NAA35: variants seen among roughly 807,000 people sequenced by gnomAD.
The protein encoded by NAA35 is N-alpha-acetyltransferase 35, NatC auxiliary subunit.
NAA35 carries 18 observed loss-of-function variants against 101.7 expected under a neutral mutation model. The observed-to-expected ratio is 0.18, with a 90% CI of 0.12 to 0.26. The LOEUF (loss-of-function observed/expected upper bound fraction) is 0.26. NAA35 is among the 10% of genes least tolerant of loss of function. The pLI is 1.00. For synonymous variants in NAA35, 267 were observed against 273.1 expected, an observed-to-expected ratio of 0.98 and a Z score of 0.22; for missense variants, 601 against 886.8, an observed-to-expected ratio of 0.68 and a Z score of 4.09.
Position 85,942,298 on chromosome 9 carries a change from T to G in NAA35, c.124+15T>G. 11 of 1,612,386 alleles carry G rather than the reference T, an allele frequency of 6.8e-6. No individual in the cohort carries two copies. Among genetic ancestry groups the G allele is most frequent in the Non-Finnish European group, 9.3e-6 (11 of 1,179,388 alleles). ...AGCTTGTCGAGGTGAGTCTGATTTT[T>G]GGATTAGAAGTTCAGCATCTGGAAG... On this transcript the variant is annotated intron_variant, in intron 2 of 22. Transcript: ENST00000361671.
At chr9:86,004,971 A>G (rs1240457666) in intron 13 of NAA35, among the ~76,000 whole-genome samples, 1 of 152,210 alleles carries the variant, frequency 6.6e-6, no homozygotes, top group Non-Finnish European at 1.5e-5. Flanking sequence ...TAAAAGAGGC[A>G]AGAACACTCA....
At chr9:85,944,971 T>C (rs1277195275) in intron 2 of NAA35, among the ~76,000 whole-genome samples, 1 of 152,232 alleles carries the variant, frequency 6.6e-6, no homozygotes, top group Non-Finnish European at 1.5e-5. Context: ...AATTTTAGTC[T>C]TGCAGCTTTC....
At chr9:85,947,664 A>G (rs1587550341) in intron 2 of NAA35, among the ~76,000 whole-genome samples, 1 of 152,324 alleles carries the variant, frequency 6.6e-6, no homozygotes, top group East Asian at 1.9e-4. Flanking sequence ...CTGGCATCTA[A>G]CAAGTACATG....
At position 86,022,377 on chromosome 9, in the gene NAA35, G is replaced by A. The variant is rs1044033891; in HGVS notation, c.*417G>A. On this transcript the variant is annotated 3_prime_UTR_variant, in exon 23 of 23. Coordinates refer to ENST00000361671, the MANE Select transcript of NAA35 (RefSeq NM_024635.4). ...AAGGTGTATGCTCTTTAACATTTGA[G>A]TAGTTCCAAAAACGTTATCCAAAAG... 1 of 153,446 alleles carries A rather than the reference G, an allele frequency of 6.5e-6. No individual in the cohort carries two copies. Among genetic ancestry groups the A allele is most frequent in the African/African-American group, 2.4e-5 (1 of 41,468 alleles). The allele number at this position is 153,446 out of a possible 1,614,324, so 9.5% of individuals were successfully genotyped here. A position where few individuals can be genotyped will look rare whatever the true frequency, so the allele number is the denominator to read the frequency against.
At position 86,009,874 on chromosome 9, in the gene NAA35, A is replaced by G. The variant is rs1831822332; in HGVS notation, c.1233A>G (p.Leu411=). 3.7e-6 allele frequency: 6 copies of G among 1,612,256 alleles called. No individual in the cohort carries two copies. Among genetic ancestry groups the G allele is most frequent in the East Asian group, 2.2e-5 (1 of 44,872 alleles). Residue 411 remains leucine, a synonymous_variant, in exon 15 of 23, where the codon CTA becomes CTG. Coordinates refer to ENST00000361671, the MANE Select transcript of NAA35 (RefSeq NM_024635.4). ...GACTGTTATCTTGCAGGTGCTACCT[A>G]TATAATAATCACCAGGCTAAGGACT... ...SPPVLSPKCY[L]YNNHQAKDCI...
intron 13 of NAA35, 69 bp downstream of exon 13, chr9:86,003,713 G>A (rs1037478832): frequency 2.2e-6 from 2 of 919,098 alleles, no homozygotes; most frequent in Admixed American, 4.9e-5. Flanking sequence ...TTTATTGATT[G>A]ATTGAACAAA....
chr9:86,001,307 G>T (rs1240856533), intron 12 of NAA35, among the ~76,000 whole-genome samples: 1 of 152,144 alleles, frequency 6.6e-6, no homozygotes, highest in Non-Finnish European at 1.5e-5. Flanking sequence ...GTCCAATTAT[G>T]TGGTCGATAT....
intron 6 of NAA35, among the ~76,000 whole-genome samples, chr9:85,969,213 T>A (rs1331960784): frequency 6.7e-6 from 1 of 149,022 alleles, no homozygotes; most frequent in Non-Finnish European, 1.5e-5. Context: ...TTTTGCTTGG[T>A]GGAATATTTC....
intron 11 of NAA35, among the ~76,000 whole-genome samples, chr9:85,984,586 G>A (rs1830570322): frequency 6.6e-6 from 1 of 152,150 alleles, no homozygotes; most frequent in South Asian, 2.1e-4. Flanking sequence ...GAAATTAGAA[G>A]TCAATGAAGT....
At chr9:86,002,420 A>G (rs1219095482) in intron 12 of NAA35, among the ~76,000 whole-genome samples, 1 of 152,220 alleles carries the variant, frequency 6.6e-6, no homozygotes, top group Non-Finnish European at 1.5e-5. Context: ...AAAGTTGGGG[A>G]AGTTTTCACG....
intron 11 of NAA35, among the ~76,000 whole-genome samples, chr9:85,993,582 G>C (rs1386916514): frequency 6.6e-6 from 1 of 152,168 alleles, no homozygotes. Context: ...CGTTCTTTTT[G>C]TTGATTGTGG....
intron 6 of NAA35, among the ~76,000 whole-genome samples, chr9:85,974,478 A>G (rs1306137562): frequency 1.3e-5 from 2 of 152,086 alleles, no homozygotes; most frequent in Non-Finnish European, 2.9e-5. Context: ...TTTCCTTCCA[A>G]TGGACTATAG....
chr9:86,006,169 CAAA>C (rs34993101), intron 13 of NAA35, among the ~76,000 whole-genome samples: 3 of 132,350 alleles, frequency 2.3e-5, no homozygotes, highest in Non-Finnish European at 4.9e-5. Flanking sequence ...GACCCCATCT[CAAA>C]AAAAAAAAAA....
Position 86,022,240 on chromosome 9 carries a change from G to C in NAA35, c.*280G>C, listed in dbSNP as rs1832596747. On this transcript the variant is annotated 3_prime_UTR_variant, in exon 23 of 23. Transcript: ENST00000361671. ...GATTTAATCACAAATCATTTTTTAT[G>C]AATGATTGAGTGAAAATAGTGTTTA... 3.8e-6 allele frequency: 1 copy of C among 260,678 alleles called. No individual in the cohort carries two copies. The highest frequency in any genetic ancestry group is 2.3e-5 in the African/African-American group (1 of 44,176). The allele number at this position is 260,678 out of a possible 1,614,324, so 16.1% of individuals were successfully genotyped here.
Position 85,978,397 on chromosome 9 carries a change from G to C in NAA35, c.877+16G>C. ...ACAAAAGGAGGTAATTGTTCAATTT[G>C]CTCCTACTCTTTCTTTTCTTCGTTT... On this transcript the variant is annotated intron_variant, in intron 11 of 22. Coordinates refer to ENST00000361671, the MANE Select transcript of NAA35 (RefSeq NM_024635.4). 2 of 1,480,774 alleles carry C rather than the reference G, an allele frequency of 1.4e-6. No individual in the cohort carries two copies. Among genetic ancestry groups the C allele is most frequent in the Non-Finnish European group, 9.4e-7 (1 of 1,059,168 alleles). The allele number at this position is 1,480,774 out of a possible 1,614,324, so 91.7% of individuals were successfully genotyped here. A position where few individuals can be genotyped will look rare whatever the true frequency, so the allele number is the denominator to read the frequency against.
intron 6 of NAA35, among the ~76,000 whole-genome samples, chr9:85,967,799 CAAAA>C (rs201125485): frequency 7.4e-6 from 1 of 135,178 alleles, no homozygotes; most frequent in African/African-American, 2.7e-5. Context: ...GAGACTGTCT[CAAAA>C]AAAAAAAAGA....
chr9:85,965,589 A>G (rs1034116027), intron 6 of NAA35, among the ~76,000 whole-genome samples: 8 of 151,904 alleles, frequency 5.3e-5, no homozygotes, highest in African/African-American at 1.9e-4. Flanking sequence ...TGATTGTGCT[A>G]TTTTACTCCA....
chr9:85,962,682 A>G (rs908183730), intron 6 of NAA35, among the ~76,000 whole-genome samples: 3 of 152,184 alleles, frequency 2.0e-5, no homozygotes, highest in Admixed American at 1.3e-4. Flanking sequence ...TCTCCAAGAA[A>G]GGGCTTTCAT....
intron 11 of NAA35, among the ~76,000 whole-genome samples, chr9:85,994,818 A>G (rs930138249): frequency 2.6e-5 from 4 of 152,200 alleles, no homozygotes; most frequent in African/African-American, 4.8e-5. Flanking sequence ...ATTATTTGAT[A>G]GTACAGAAGG....
Sources: gnomAD v4.1 joint callset for allele counts (sites outside exome capture counted in the v4.1 genomes callset) on GRCh38, gnomAD v4.1.1 for gene constraint, MANE v1.5 for transcripts, NCBI Gene and HGNC (gene_info 2026-07-23, HGNC 2026-07-21) for gene names.